Variants in RANBP17 observed in about 807,000 individuals in gnomAD.
RANBP17 encodes RAN binding protein 17, also known as ran-binding protein 17.
In RANBP17, 158 loss-of-function variants were observed where a neutral mutation model predicts 141.2. The observed-to-expected ratio is 1.12, with a 90% CI of 0.98 to 1.28. The LOEUF (loss-of-function observed/expected upper bound fraction) is 1.28. Ranked by LOEUF, RANBP17 falls within the 50% of genes most tolerant of loss-of-function variation. The probability of loss-of-function intolerance (pLI) is 0.00; values close to 1 mark genes in which losing one functional copy is unlikely to be tolerated. For missense variants in RANBP17, 1,438 were observed against 1,290.7 expected, an observed-to-expected ratio of 1.11 and a Z score of -1.75; for synonymous variants, 430 against 450.0, an observed-to-expected ratio of 0.96 and a Z score of 0.56.
chr5:170,932,021 G>C (rs1356950362), intron 12 of RANBP17, among the ~76,000 whole-genome samples: 1 of 152,076 alleles, frequency 6.6e-6, no homozygotes, highest in African/African-American at 2.4e-5. Flanking sequence ...TCATGATATT[G>C]ATTCTTCCTA....
rs556655276 is a variant in RANBP17, at chr5:171,293,315, C to CG, written c.2944-566dup. On this transcript the variant is annotated intron_variant, in intron 25 of 27. Coordinates refer to ENST00000523189, the MANE Select transcript of RANBP17 (RefSeq NM_022897.5). ...ATCTTACAGGCTGAATTTAAGAGAA[C>CG]GGATGAGTAATGTACATGTAGGAAT... Among the ~76,000 whole-genome samples, 35 of 152,194 alleles carry CG rather than the reference C, an allele frequency of 2.3e-4. No individual in the cohort carries two copies. The East Asian group carries it at 6.4e-3, about 28-fold the overall frequency.
chr5:171,266,983 C>T (rs1351683332), intron 25 of RANBP17, among the ~76,000 whole-genome samples: 1 of 149,804 alleles, frequency 6.7e-6, no homozygotes, highest in African/African-American at 2.5e-5. Context: ...TCAAAAAGAA[C>T]AATACCATTT....
At position 170,955,681 on chromosome 5, in the gene RANBP17, T is replaced by TATATATATATATACAC. The variant is rs769742239; in HGVS notation, c.1574+1980_1574+1981insTATATATATATACACA. Among the ~76,000 whole-genome samples the TATATATATATATACAC allele has an allele frequency of 3.2e-3, 126 of 39,092 alleles. 18 individuals carry two copies. The highest frequency in any genetic ancestry group is 5.5e-3 in the Non-Finnish European group (102 of 18,432). 25.6% of individuals were successfully genotyped at this position (39,092 alleles called of 152,430 possible). A position where few individuals can be genotyped will look rare whatever the true frequency, so the allele number is the denominator to read the frequency against. ...ATATATATATATATATATATATATATACACTGAATGAACTCTGTAGAGGAA... is the reference window on the plus strand; with the variant it reads ...ATATATATATATATATATATATATATATATATATATATACACACACTGAATGAACTCTGTAGAGGAA... On this transcript the variant is annotated intron_variant, in intron 13 of 27. Coordinates refer to ENST00000523189, the MANE Select transcript of RANBP17 (RefSeq NM_022897.5).
At chr5:171,261,915 C>T (rs1424722839) in intron 24 of RANBP17, among the ~76,000 whole-genome samples, 1 of 152,158 alleles carries the variant, frequency 6.6e-6, no homozygotes, top group Admixed American at 6.5e-5. Context: ...CCCTGTGATC[C>T]TTATGATTCC....
At chr5:171,068,606 A>T (rs762370542) in intron 14 of RANBP17, among the ~76,000 whole-genome samples, 4 of 121,174 alleles carry the variant, frequency 3.3e-5, no homozygotes, top group South Asian at 2.9e-4. Context: ...GTTGTTGTTG[A>T]GACAGAGTCT....
Position 171,205,617 on chromosome 5 carries a change from C to A in RANBP17, c.2231+5C>A. 1.2e-6 allele frequency: 2 copies of A among 1,607,956 alleles called. No individual in the cohort carries two copies. ...CACCATGCTGTTTGACTGGATGTAT[C>A]CTTATTACACTGTGACAATACCAGC... On this transcript the variant is annotated splice_donor_5th_base_variant and intron_variant, in intron 20 of 27. Coordinates refer to ENST00000523189, the MANE Select transcript of RANBP17 (RefSeq NM_022897.5).
chr5:171,090,792 G>A (rs376103362), intron 14 of RANBP17, among the ~76,000 whole-genome samples: 1 of 152,226 alleles, frequency 6.6e-6, no homozygotes, highest in South Asian at 2.1e-4. Context: ...GCTTCAGAGG[G>A]TGGAAGCCCC....
chr5:170,888,023 C>G (rs1175867468), intron 3 of RANBP17, among the ~76,000 whole-genome samples: 1 of 152,200 alleles, frequency 6.6e-6, no homozygotes, highest in South Asian at 2.1e-4. Context: ...GACAGACATT[C>G]AAACTGTAGC....
rs138622227 is a variant in RANBP17, at chr5:171,200,644, T to C, written c.2142+871T>C. 5.7e-3 allele frequency among the ~76,000 whole-genome samples: 862 copies of C among 152,262 alleles called. 7 individuals are homozygous for C. Among genetic ancestry groups the C allele is most frequent in the Non-Finnish European group, 9.8e-3 (667 of 68,010 alleles). On this transcript the variant is annotated intron_variant, in intron 19 of 27. Transcript: ENST00000523189. ...ATATATTTCATAGTTATTTGAAGTA[T>C]GTTGGAAATATTAACCATCTTTTGC...
chr5:171,203,013 C>CAACT (rs1404985550), intron 19 of RANBP17, among the ~76,000 whole-genome samples: 1 of 152,120 alleles, frequency 6.6e-6, no homozygotes. Context: ...GGCACACAGA[C>CAACT]AACTGTTCAC....
intron 14 of RANBP17, among the ~76,000 whole-genome samples, chr5:170,979,947 G>C (rs1438374885): frequency 6.6e-6 from 1 of 152,214 alleles, no homozygotes; most frequent in East Asian, 1.9e-4. Flanking sequence ...ATGTGGGAAA[G>C]TTTGGATCTT....
chr5:171,225,480 T>C (rs1241064392), intron 22 of RANBP17, among the ~76,000 whole-genome samples: 1 of 152,226 alleles, frequency 6.6e-6, no homozygotes, highest in Non-Finnish European at 1.5e-5. Context: ...CTCTGGAAAT[T>C]CTAATATACA....
chr5:171,015,175 T>G (rs906447814), intron 14 of RANBP17, among the ~76,000 whole-genome samples: 1 of 152,130 alleles, frequency 6.6e-6, no homozygotes, highest in African/African-American at 2.4e-5. Flanking sequence ...TTGAGCTTCT[T>G]GAATCTGTAA....
At chr5:170,896,755 G>A (rs1041312361) in intron 5 of RANBP17, among the ~76,000 whole-genome samples, 25 of 152,182 alleles carry the variant, frequency 1.6e-4, no homozygotes, top group African/African-American at 6.0e-4. Context: ...GCTTGAACCC[G>A]GGAGGCAGAG....
intron 14 of RANBP17, among the ~76,000 whole-genome samples, chr5:170,995,822 A>C (rs1044522496): frequency 6.6e-6 from 1 of 152,150 alleles, no homozygotes; most frequent in Non-Finnish European, 1.5e-5. Flanking sequence ...TTATAAACAT[A>C]TAAATGTTTT....
At chr5:170,886,651 CTTTTTTT>C (rs3080616) in intron 3 of RANBP17, among the ~76,000 whole-genome samples, 2 of 87,860 alleles carry the variant, frequency 2.3e-5, no homozygotes, top group African/African-American at 4.5e-5. Flanking sequence ...TTTGAGGTGC[CTTTTTTT>C]TTTTTTTTTT....
chr5:171,219,466 A>G (rs777416120), intron 21 of RANBP17, among the ~76,000 whole-genome samples: 2 of 152,052 alleles, frequency 1.3e-5, no homozygotes, highest in African/African-American at 4.8e-5. Flanking sequence ...GTTCTTTTGG[A>G]TAATATCCTG....
chr5:171,039,401 CTT>C (rs911632713), intron 14 of RANBP17, among the ~76,000 whole-genome samples: 3 of 150,708 alleles, frequency 2.0e-5, no homozygotes, highest in Non-Finnish European at 4.4e-5. Context: ...CTGTTCATGT[CTT>C]TTGTCTATTT....
At chr5:171,107,424 A>C (rs2127753256) in intron 14 of RANBP17, among the ~76,000 whole-genome samples, 1 of 152,272 alleles carries the variant, frequency 6.6e-6, no homozygotes, top group South Asian at 2.1e-4. Context: ...CAAGCAACAA[A>C]GTTTGTTAAA....
Sources: gnomAD v4.1 joint callset for allele counts (sites outside exome capture counted in the v4.1 genomes callset) on GRCh38, gnomAD v4.1.1 for gene constraint, MANE v1.5 for transcripts, NCBI Gene and HGNC (gene_info 2026-07-23, HGNC 2026-07-21) for gene names.